MC2R: variants seen among roughly 807,000 people sequenced by gnomAD.
The protein encoded by MC2R is adrenocorticotropic hormone receptor.
Under a neutral mutation model 9.8 loss-of-function variants are expected in MC2R, and 9 were observed. That is an observed-to-expected ratio of 0.92 (90% CI 0.55 to 1.60). The LOEUF is 1.60. MC2R is among the 40% of genes most tolerant of loss of function. The pLI is 0.00. For synonymous variants in MC2R, 185 were observed against 154.7 expected, an observed-to-expected ratio of 1.20 and a Z score of -1.45; for missense variants, 370 against 389.0, an observed-to-expected ratio of 0.95 and a Z score of 0.41.
At chr18:13,913,006 C>A (rs1361449568) in intron 1 of MC2R, among the ~76,000 whole-genome samples, 3 of 152,106 alleles carry the variant, frequency 2.0e-5, no homozygotes, top group Non-Finnish European at 4.4e-5. Flanking sequence ...AGGTTTACAG[C>A]TTTTCCGACA....
In MC2R at chr18:13,901,202, GCAAATACAACATACC is replaced by G. The variant is rs543258194; in HGVS notation, c.-129+14271_-129+14285del. 6.6e-5 allele frequency among the ~76,000 whole-genome samples: 10 copies of G among 152,050 alleles called. No individual in the cohort carries two copies. The East Asian group carries it at 1.7e-3, about 26-fold the overall frequency. ...AAATTTTATTGAAACAAATGATAAT[GCAAATACAACATACC>G]CAAACCTATGGGGTACAGCAAAAGC... On this transcript the variant is annotated intron_variant, in intron 1 of 1. Coordinates refer to ENST00000327606, the MANE Select transcript of MC2R (RefSeq NM_000529.2).
chr18:13,885,630 T>C lies in MC2R; in HGVS notation c.-112A>G. 8.1e-7 allele frequency: 1 copy of C among 1,227,738 alleles called. No individual in the cohort carries two copies. Among genetic ancestry groups the C allele is most frequent in the Admixed American group, 2.0e-5 (1 of 50,046 alleles). The allele number at this position is 1,227,738 out of a possible 1,614,324, so 76.1% of individuals were successfully genotyped here. On this transcript the variant is annotated 5_prime_UTR_variant, in exon 2 of 2. Coordinates refer to ENST00000327606, the MANE Select transcript of MC2R (RefSeq NM_000529.2). The stretch of plus-strand genomic sequence containing the variant: ...TGTAGCACTTGCTGGAGATCTAAGT[T>C]AAAATCTCCCAATCACCTAAAAGGG...
chr18:13,887,046 C>A (rs1027418435), intron 1 of MC2R, among the ~76,000 whole-genome samples: 1 of 152,222 alleles, frequency 6.6e-6, no homozygotes, highest in African/African-American at 2.4e-5. Flanking sequence ...GTTTAAAAGC[C>A]AGAAGTTCTG....
chr18:13,897,438 C>A (rs2045352818), intron 1 of MC2R, among the ~76,000 whole-genome samples: 1 of 152,138 alleles, frequency 6.6e-6, no homozygotes, highest in Non-Finnish European at 1.5e-5. Flanking sequence ...GCAGTCTAGA[C>A]CACAAGGACT....
intron 1 of MC2R, among the ~76,000 whole-genome samples, chr18:13,912,679 G>A (rs540479052): frequency 7.2e-5 from 11 of 152,122 alleles, no homozygotes; most frequent in South Asian, 2.1e-4. Flanking sequence ...TTCTGCTCCC[G>A]GACCATCCCA....
In MC2R at chr18:13,884,840, C is replaced by G. The variant is rs769084510; in HGVS notation, c.679G>C (p.Val227Leu). 5.0e-6 allele frequency: 8 copies of G among 1,613,976 alleles called. No homozygotes were observed. In the South Asian group the frequency reaches 7.7e-5, roughly 16 times the overall value. ...AAGGGGGCCCAGCAGAAGATGAAGA[C>G]CCCGAGCAGGATGGTCAGTGTGATG... is the stretch of plus-strand genomic sequence containing the variant. Reference protein sequence around the residue: ...GAITLTILLGVFIFCWAPFVL... With the variant: ...GAITLTILLGLFIFCWAPFVL... The change falls in exon 2 of 2, where the codon GTC becomes CTC. Residue 227 changes from valine to leucine, a missense_variant. Val to Leu is a conservative substitution (Grantham distance 32, BLOSUM62 1). Coordinates refer to ENST00000327606, the MANE Select transcript of MC2R (RefSeq NM_000529.2).
chr18:13,898,145 T>C (rs2045357578), intron 1 of MC2R, among the ~76,000 whole-genome samples: 1 of 152,124 alleles, frequency 6.6e-6, no homozygotes, highest in South Asian at 2.1e-4. Context: ...GTGAGCCCAC[T>C]GCCCTGAAGG....
Position 13,897,494 on chromosome 18 carries a change from C to T in MC2R, c.-128-11848G>A, listed in dbSNP as rs181544963. On this transcript the variant is annotated intron_variant, in intron 1 of 1. Coordinates refer to ENST00000327606, the MANE Select transcript of MC2R (RefSeq NM_000529.2). ...AACGCTGAACTAGGCCCAGAGACAG[C>T]GGACTTGGGGGGCGCACAACCTACT... is the stretch of plus-strand genomic sequence containing the variant. Among the ~76,000 whole-genome samples, 72 of 152,202 alleles carry T rather than the reference C, an allele frequency of 4.7e-4. 2 individuals are homozygous for T. In the Middle Eastern group the frequency reaches 0.017, roughly 36 times the overall value.
At chr18:13,906,057 A>G (rs1483198896) in intron 1 of MC2R, among the ~76,000 whole-genome samples, 1 of 152,198 alleles carries the variant, frequency 6.6e-6, no homozygotes, top group Non-Finnish European at 1.5e-5. Context: ...CTGGTGACAG[A>G]GTAAGACCCC....
chr18:13,887,337 G>T lies in MC2R; in HGVS notation c.-128-1691C>A, dbSNP rs1395362053. ...GAAAGCCTCAGGGATGGCAGGGGAA[G>T]CCTGTGTGCTGTGTCCCACCTGCTG... is the stretch of plus-strand genomic sequence containing the variant. On this transcript the variant is annotated intron_variant, in intron 1 of 1. Transcript: ENST00000327606. Among the ~76,000 whole-genome samples the T allele has an allele frequency of 4.2e-4, 48 of 113,346 alleles. 1 individual carries two copies. The highest frequency in any genetic ancestry group is 5.5e-4 in the Non-Finnish European group (27 of 49,520). 74.4% of individuals were successfully genotyped at this position (113,346 alleles called of 152,430 possible). A position where few individuals can be genotyped will look rare whatever the true frequency, so the allele number is the denominator to read the frequency against.
chr18:13,911,096 G>A (rs1018456212), intron 1 of MC2R, among the ~76,000 whole-genome samples: 20 of 152,326 alleles, frequency 1.3e-4, no homozygotes, highest in African/African-American at 4.8e-5. Flanking sequence ...GTGAGAGTGC[G>A]AAGCAGCAAA....
chr18:13,896,783 C>T (rs2045348371), intron 1 of MC2R, among the ~76,000 whole-genome samples: 1 of 152,080 alleles, frequency 6.6e-6, no homozygotes, highest in Non-Finnish European at 1.5e-5. Context: ...TACAAAGATG[C>T]ATATACAATG....
chr18:13,913,223 C>T (rs184168023), intron 1 of MC2R, among the ~76,000 whole-genome samples: 2 of 152,234 alleles, frequency 1.3e-5, no homozygotes, highest in Admixed American at 1.3e-4. Context: ...GCTCAGCTCC[C>T]TGCACAGCCT....
At position 13,882,459 on chromosome 18, in the gene MC2R, G is replaced by C. The variant is rs1197504989; in HGVS notation, c.*2166C>G. On this transcript the variant is annotated 3_prime_UTR_variant, in exon 2 of 2. Transcript: ENST00000327606. ...TTTTGTTTCATCCACCATTAGACTA[G>C]CCATCTTCATTTTGTTTCTTAGATT... The C allele has an allele frequency of 6.6e-6, 1 of 152,206 alleles. No homozygotes were observed. The highest frequency in any genetic ancestry group is 1.5e-5 in the Non-Finnish European group (1 of 68,046). 9.4% of individuals were successfully genotyped at this position (152,206 alleles called of 1,614,324 possible).
intron 1 of MC2R, among the ~76,000 whole-genome samples, chr18:13,912,140 A>G (rs760989221): frequency 1.6e-4 from 25 of 152,242 alleles, no homozygotes; most frequent in Non-Finnish European, 1.8e-4. Context: ...ATACCTCAGC[A>G]CATCCTTACA....
rs2045263146 is a variant in MC2R at position 13,884,802 on chromosome 18, G to A, written c.717C>T (p.Val239=). 6.2e-7 allele frequency: 1 copy of A among 1,613,970 alleles called. No individual in the cohort carries two copies. Among genetic ancestry groups the A allele is most frequent in the South Asian group, 1.1e-5 (1 of 91,058 alleles). The change falls in exon 2 of 2, where the codon GTC becomes GTT. Residue 239 remains valine, a synonymous_variant. Transcript: ENST00000327606. Reference sequence around the variant, plus strand: ...TACTTGGGCAGAATGTCATCAAGAGGACATGAAGCACAAAGGGGGCCCAGC... The same window carrying A: ...TACTTGGGCAGAATGTCATCAAGAGAACATGAAGCACAAAGGGGGCCCAGC... ...IFCWAPFVLH[V]LLMTFCPSNP...
chr18:13,882,705 A>C lies in MC2R; in HGVS notation c.*1920T>G, dbSNP rs28926189. ...TCACAGAGCATTGCAGCATCAAAAA[A>C]AGGTTACCTCTTATTGAGAATACGC... On this transcript the variant is annotated 3_prime_UTR_variant, in exon 2 of 2. Transcript: ENST00000327606. The C allele has an allele frequency of 6.6e-6, 1 of 152,224 alleles. No individual in the cohort carries two copies. The highest frequency in any genetic ancestry group is 2.4e-5 in the African/African-American group (1 of 41,450). 9.4% of individuals were successfully genotyped at this position (152,224 alleles called of 1,614,324 possible).
At chr18:13,911,946 G>T (rs1053752499) in intron 1 of MC2R, among the ~76,000 whole-genome samples, 1 of 152,146 alleles carries the variant, frequency 6.6e-6, no homozygotes, top group African/African-American at 2.4e-5. Context: ...TGAGAAAGAG[G>T]ACAGGTGAGC....
chr18:13,908,457 A>G (rs2045426213), intron 1 of MC2R, among the ~76,000 whole-genome samples: 1 of 152,210 alleles, frequency 6.6e-6, no homozygotes, highest in Non-Finnish European at 1.5e-5. Flanking sequence ...TGTTTAATAA[A>G]TCAGTAGGGT....
Sources: gnomAD v4.1 joint callset for allele counts (sites outside exome capture counted in the v4.1 genomes callset) on GRCh38, gnomAD v4.1.1 for gene constraint, MANE v1.5 for transcripts, NCBI Gene and HGNC (gene_info 2026-07-23, HGNC 2026-07-21) for gene names.